The following KCND3 variants were observed in gnomAD, a reference collection of about 807,000 sequenced individuals.
The protein encoded by KCND3 is A-type voltage-gated potassium channel KCND3.
In KCND3, 9 loss-of-function variants were observed where a neutral mutation model predicts 51.1. The observed-to-expected ratio is 0.18, with a 90% CI of 0.11 to 0.31. The LOEUF (loss-of-function observed/expected upper bound fraction) is 0.31. Among genes scored for constraint, KCND3 ranks in the 10% least tolerant of loss-of-function variants. The pLI is 1.00. For missense variants in KCND3, 526 were observed against 903.8 expected, an observed-to-expected ratio of 0.58 and a Z score of 5.36; for synonymous variants, 349 against 368.0, an observed-to-expected ratio of 0.95 and a Z score of 0.59.
At chr1:111,829,217 T>G (rs1339087737) in intron 2 of KCND3, among the ~76,000 whole-genome samples, 1 of 152,136 alleles carries the variant, frequency 6.6e-6, no homozygotes, top group Non-Finnish European at 1.5e-5. Flanking sequence ...TGCAGGGATA[T>G]GGGGCGACCT....
intron 2 of KCND3, among the ~76,000 whole-genome samples, chr1:111,908,061 C>G (rs1037446404): frequency 5.9e-5 from 9 of 152,238 alleles, no homozygotes; most frequent in South Asian, 2.1e-4. Flanking sequence ...CCAATGCCGA[C>G]ATAACAGCTT....
At chr1:111,942,622 C>T (rs369589991) in intron 2 of KCND3, among the ~76,000 whole-genome samples, 18 of 152,232 alleles carry the variant, frequency 1.2e-4, no homozygotes, top group Non-Finnish European at 2.2e-4. Flanking sequence ...CTACACCCAT[C>T]GCTGGCTTCT....
chr1:111,982,813 G>A lies in KCND3; in HGVS notation c.-72-15C>T, dbSNP rs1452779276. Reference sequence around the variant, plus strand: ...TTCAGCAAACCCTGGGAGACAGGAGGGGAGAGAGAGAAGCGGTGAGTCCAT... The same window carrying A: ...TTCAGCAAACCCTGGGAGACAGGAGAGGAGAGAGAGAAGCGGTGAGTCCAT... On this transcript the variant is annotated splice_polypyrimidine_tract_variant and intron_variant, in intron 1 of 7. Transcript: ENST00000302127. The surrounding 1 kb of genome is among the most constrained non-coding windows in gnomAD (Gnocchi z 8.5). 6.6e-7 allele frequency: 1 copy of A among 1,518,826 alleles called. No individual in the cohort carries two copies. The highest frequency in any genetic ancestry group is 8.8e-7 in the Non-Finnish European group (1 of 1,131,764). 94.1% of individuals were successfully genotyped at this position (1,518,826 alleles called of 1,614,324 possible).
At chr1:111,873,642 T>C (rs539994978) in intron 2 of KCND3, among the ~76,000 whole-genome samples, 22 of 152,204 alleles carry the variant, frequency 1.4e-4, no homozygotes, top group African/African-American at 5.1e-4. Context: ...CGATCAGGCA[T>C]TGGGCATTTG....
At chr1:111,831,807 C>T (rs1461186021) in intron 2 of KCND3, among the ~76,000 whole-genome samples, 1 of 152,214 alleles carries the variant, frequency 6.6e-6, no homozygotes, top group Non-Finnish European at 1.5e-5. Context: ...CACTGATTTA[C>T]AGGATTCAGA....
chr1:111,923,101 C>A (rs1478727180), intron 2 of KCND3, among the ~76,000 whole-genome samples: 1 of 152,194 alleles, frequency 6.6e-6, no homozygotes, highest in Non-Finnish European at 1.5e-5. Flanking sequence ...AGTTTCCCAA[C>A]CAGCAAAATG....
intron 2 of KCND3, among the ~76,000 whole-genome samples, chr1:111,902,609 T>G (rs1403478616): frequency 6.6e-6 from 1 of 152,182 alleles, no homozygotes; most frequent in East Asian, 1.9e-4. Flanking sequence ...TAAAAACTAG[T>G]GGTCCACAGG....
At chr1:111,845,204 A>T (rs114612394) in intron 2 of KCND3, among the ~76,000 whole-genome samples, 2,286 of 152,266 alleles carry the variant, frequency 0.015, 63 homozygotes, top group African/African-American at 0.052. Flanking sequence ...CTAACACTTG[A>T]AAACTGCCCC....
chr1:111,827,765 TG>T (rs2101612578), intron 2 of KCND3, among the ~76,000 whole-genome samples: 1 of 152,314 alleles, frequency 6.6e-6, no homozygotes, highest in African/African-American at 2.4e-5. Flanking sequence ...TCTGCCCTCC[TG>T]GGTGAGGAAT....
intron 2 of KCND3, among the ~76,000 whole-genome samples, chr1:111,828,738 A>G (rs1003289540): frequency 6.6e-6 from 1 of 152,110 alleles, no homozygotes; most frequent in Non-Finnish European, 1.5e-5. Context: ...TTTTACTCGG[A>G]TCCACTGCTT....
At chr1:111,901,360 G>C (rs1187478935) in intron 2 of KCND3, among the ~76,000 whole-genome samples, 3 of 152,096 alleles carry the variant, frequency 2.0e-5, no homozygotes, top group Admixed American at 2.0e-4. Flanking sequence ...CTTCCTAAAG[G>C]AGTTACTTTC....
At chr1:111,951,188 C>T (rs1233620781) in intron 2 of KCND3, among the ~76,000 whole-genome samples, 1 of 133,294 alleles carries the variant, frequency 7.5e-6, no homozygotes, top group Non-Finnish European at 1.6e-5. Context: ...AAAAAAAAGA[C>T]CTATAGTAAC....
chr1:111,954,984 T>C (rs1673253596), intron 2 of KCND3, among the ~76,000 whole-genome samples: 1 of 152,242 alleles, frequency 6.6e-6, no homozygotes. Flanking sequence ...TTGTTGTCCT[T>C]AGGATCCGGC....
chr1:111,804,206 A>G (rs1161913581), intron 2 of KCND3, among the ~76,000 whole-genome samples: 2 of 152,202 alleles, frequency 1.3e-5, no homozygotes, highest in Non-Finnish European at 2.9e-5. Context: ...TGCTATGGCC[A>G]GGGACTCTGC....
chr1:111,931,774 G>A (rs961579634), intron 2 of KCND3, among the ~76,000 whole-genome samples: 23 of 152,232 alleles, frequency 1.5e-4, no homozygotes, highest in African/African-American at 4.6e-4. Context: ...GGCAGTTGCA[G>A]AGACTCATCT....
intron 2 of KCND3, among the ~76,000 whole-genome samples, chr1:111,841,574 T>A (rs1667322702): frequency 6.6e-6 from 1 of 152,224 alleles, no homozygotes; most frequent in Non-Finnish European, 1.5e-5. Flanking sequence ...CTCTGAGGTG[T>A]CTTAAATTCT....
chr1:111,867,752 G>A (rs563520342), intron 2 of KCND3, among the ~76,000 whole-genome samples: 29 of 152,356 alleles, frequency 1.9e-4, no homozygotes, highest in Non-Finnish European at 3.4e-4. Flanking sequence ...CCTTGATAGA[G>A]GTGAAGAGTA....
At chr1:111,937,147 G>C (rs899088955) in intron 2 of KCND3, among the ~76,000 whole-genome samples, 4 of 152,196 alleles carry the variant, frequency 2.6e-5, no homozygotes, top group Non-Finnish European at 5.9e-5. Flanking sequence ...ACATCCTAGA[G>C]AGGCAATGGG....
chr1:111,865,562 T>C (rs1363552558), intron 2 of KCND3, among the ~76,000 whole-genome samples: 1 of 152,190 alleles, frequency 6.6e-6, no homozygotes, highest in East Asian at 1.9e-4. Flanking sequence ...AATTATTATC[T>C]TCAAAAGACA....
Sources: allele counts gnomAD v4.1 joint callset (sites outside exome capture counted in the v4.1 genomes callset), GRCh38; gene constraint gnomAD v4.1.1; non-coding constraint Gnocchi (gnomAD v3.1); transcripts MANE v1.5; gene names NCBI Gene and HGNC (gene_info 2026-07-23, HGNC 2026-07-21).